SBF1: variants seen among roughly 807,000 people sequenced by gnomAD.
The protein encoded by SBF1 is myotubularin-related protein 5.
SBF1 carries 65 observed loss-of-function variants against 215.8 expected under a neutral mutation model. That is an observed-to-expected ratio of 0.30 (90% CI 0.25 to 0.37). The LOEUF is 0.37. SBF1 is among the 10% of genes least tolerant of loss of function. The pLI, the probability that SBF1 is intolerant of heterozygous loss-of-function variation, is 1.00. For synonymous variants in SBF1, 1,410 were observed against 1,122.8 expected (o/e 1.26, Z -5.11); for missense variants, 2,634 against 2,667.8 (o/e 0.99, Z 0.28).
In SBF1 at chr22:50,456,400, A is replaced by C; in HGVS notation, c.4087-5T>G. 1 of 1,611,640 alleles carries C rather than the reference A, an allele frequency of 6.2e-7. No individual in the cohort carries two copies. Among genetic ancestry groups the C allele is most frequent in the Non-Finnish European group, 8.5e-7 (1 of 1,179,816 alleles). ...CAGGGGGTCTGACCGCACACCCTGA[A>C]AAGAATCCGGACAAGTCCCGTGAGA... is the stretch of plus-strand genomic sequence containing the variant. On this transcript the variant is annotated splice_polypyrimidine_tract_variant and splice_region_variant and intron_variant, in intron 30 of 40. Coordinates refer to ENST00000380817, the MANE Select transcript of SBF1 (RefSeq NM_002972.4).
Position 50,446,930 on chromosome 22 carries a change from C to A in SBF1, c.*212G>T. Reference sequence around the variant, plus strand: ...CCCATTGCGGGCTGTACCTTGGCCACCTCCCGGCACGGTGCTCAGCTGTGA... The same window carrying A: ...CCCATTGCGGGCTGTACCTTGGCCAACTCCCGGCACGGTGCTCAGCTGTGA... On this transcript the variant is annotated 3_prime_UTR_variant, in exon 41 of 41. Transcript: ENST00000380817. 1 of 716,454 alleles carries A rather than the reference C, an allele frequency of 1.4e-6. No individual in the cohort carries two copies. Among genetic ancestry groups the A allele is most frequent in the South Asian group, 1.5e-5 (1 of 68,412 alleles). The allele number at this position is 716,454 out of a possible 1,614,324, so 44.4% of individuals were successfully genotyped here.
At position 50,445,673 on chromosome 22, in the gene SBF1, G is replaced by A. The variant is rs929126512; in HGVS notation, c.*1469C>T. The A allele has an allele frequency of 2.6e-5, 4 of 152,294 alleles. No homozygotes were observed. Among genetic ancestry groups the A allele is most frequent in the Admixed American group, 2.0e-4 (3 of 15,286 alleles). The allele number at this position is 152,294 out of a possible 1,614,324, so 9.4% of individuals were successfully genotyped here. On this transcript the variant is annotated 3_prime_UTR_variant, in exon 41 of 41. Coordinates refer to ENST00000380817, the MANE Select transcript of SBF1 (RefSeq NM_002972.4). ...GTCAGGCGCCATCTGTCCGGCCTGA[G>A]GGAAGACCTGGCTGGTTTCAGTGGC...
chr22:50,455,957 A>G, intron 31 of SBF1: 4 of 559,256 alleles, frequency 7.2e-6, no homozygotes, highest in South Asian at 4.8e-5. Flanking sequence ...CCGTGTGGTC[A>G]TCAGCCCACG....
At chr22:50,450,053 G>A (rs912054913) in intron 36 of SBF1, among the ~76,000 whole-genome samples, 1 of 152,222 alleles carries the variant, frequency 6.6e-6, no homozygotes, top group African/African-American at 2.4e-5. Context: ...GAGACGGGAC[G>A]TCCAGGGGCG....
rs777829904 is a variant in SBF1 at position 50,474,970 on chromosome 22, C to A, written c.-130G>T. ...CGGACACCCCTGGTTCGCTCCGCGG[C>A]GGCGGCGGCGGCGGCGGCGGCGGCC... On this transcript the variant is annotated 5_prime_UTR_variant, in exon 1 of 41. Coordinates refer to ENST00000380817, the MANE Select transcript of SBF1 (RefSeq NM_002972.4). 2.7e-5 allele frequency: 7 copies of A among 261,560 alleles called. No homozygotes were observed. In the South Asian group the frequency reaches 4.7e-4, roughly 18 times the overall value. 16.2% of individuals were successfully genotyped at this position (261,560 alleles called of 1,614,324 possible).
rs775235694 is a variant in SBF1 at position 50,465,141 on chromosome 22, A to G, written c.1204-12T>C. 7 of 1,613,814 alleles carry G rather than the reference A, an allele frequency of 4.3e-6. No individual in the cohort carries two copies. Among genetic ancestry groups the G allele is most frequent in the East Asian group, 2.2e-5 (1 of 44,890 alleles). ...CCCAGGAAGGCTGCCTGGATGACAG[A>G]AGGAGGTCGGTCCCTCAGGGGTCTC... On this transcript the variant is annotated splice_polypyrimidine_tract_variant and intron_variant, in intron 11 of 40. Transcript: ENST00000380817.
rs754722870 is a variant in SBF1, at chr22:50,465,271, G to A, written c.1147C>T (p.Arg383Cys). Residue 383 changes from arginine to cysteine, a missense_variant, in exon 11 of 41, where the codon CGC becomes TGC. Coordinates refer to ENST00000380817, the MANE Select transcript of SBF1 (RefSeq NM_002972.4). ...RLFAQLLQGY[R>C]WCLHVVRIHP... Reference sequence around the variant, plus strand: ...ATGCGCACGACGTGCAGGCACCAGCGATAGCCCTGCAGCAGCTGAGCGAAC... The same window carrying A: ...ATGCGCACGACGTGCAGGCACCAGCAATAGCCCTGCAGCAGCTGAGCGAAC... 1.9e-6 allele frequency: 3 copies of A among 1,610,610 alleles called. No individual in the cohort carries two copies. The highest frequency in any genetic ancestry group is 2.5e-6 in the Non-Finnish European group (3 of 1,178,978).
In SBF1 at chr22:50,446,836, G is replaced by A. The variant is rs749078847; in HGVS notation, c.*306C>T. On this transcript the variant is annotated 3_prime_UTR_variant, in exon 41 of 41. Coordinates refer to ENST00000380817, the MANE Select transcript of SBF1 (RefSeq NM_002972.4). Reference sequence around the variant, plus strand: ...TTAGTTCTCTCTTTATATAGACTCTGGTTCTAGAAACTCGCCTGCAGCCGC... The same window carrying A: ...TTAGTTCTCTCTTTATATAGACTCTAGTTCTAGAAACTCGCCTGCAGCCGC... 2.2e-5 allele frequency: 16 copies of A among 715,896 alleles called. No individual in the cohort carries two copies. The highest frequency in any genetic ancestry group is 3.4e-5 in the Non-Finnish European group (13 of 387,394). 44.3% of individuals were successfully genotyped at this position (715,896 alleles called of 1,614,324 possible).
Position 50,462,790 on chromosome 22 carries a change from AG to A in SBF1, c.1969-74del, listed in dbSNP as rs2067576340. On this transcript the variant is annotated intron_variant, in intron 17 of 40. Transcript: ENST00000380817. ...GGCTGGGAAGGAGACCTCGGCCACC[AG>A]GAAGGGGGGCTGGGAAGGAGACCTC... 3.1e-6 allele frequency: 5 copies of A among 1,608,636 alleles called. No individual in the cohort carries two copies. The South Asian group carries it at 3.3e-5, about 11-fold the overall frequency.
intron 18 of SBF1, 24 bp from the exon 19 acceptor site, chr22:50,462,497 G>A (rs1229678973): frequency 4.6e-5 from 74 of 1,612,190 alleles, no homozygotes; most frequent in Non-Finnish European, 6.3e-5. Context: ...ACACGCATGA[G>A]CCGGGGCCAC....
At position 50,467,647 on chromosome 22, in the gene SBF1, C is replaced by G; in HGVS notation, c.323G>C (p.Gly108Ala). 6.2e-7 allele frequency: 1 copy of G among 1,613,972 alleles called. No individual in the cohort carries two copies. Among genetic ancestry groups the G allele is most frequent in the Non-Finnish European group, 8.5e-7 (1 of 1,179,948 alleles). The change falls in exon 4 of 41, where the codon GGG becomes GCG. Residue 108 changes from glycine (G) to alanine (A), a missense_variant. Physicochemically the swap from Gly to Ala is moderately conservative, Grantham distance 60. Coordinates refer to ENST00000380817, the MANE Select transcript of SBF1 (RefSeq NM_002972.4). ...CAGGTGGGTCTGGCCTCCCTCATCC[C>G]CCTCTTCCTCCCTCTCTGTGGCATC... ...VEDATEREEE[G>A]DEGGQTHLSP...
intron 1 of SBF1, among the ~76,000 whole-genome samples, chr22:50,473,883 A>C (rs912609296): frequency 6.6e-6 from 1 of 152,200 alleles, no homozygotes; most frequent in Non-Finnish European, 1.5e-5. Context: ...TCCGCGCCTA[A>C]CTTCTCTACA....
intron 36 of SBF1, among the ~76,000 whole-genome samples, chr22:50,448,894 C>A (rs148590310): frequency 6.6e-6 from 1 of 152,168 alleles, no homozygotes; most frequent in African/African-American, 2.4e-5. Context: ...GCACTACAGA[C>A]CCCAACAGGG....
At chr22:50,473,966 G>A (rs9628189) in intron 1 of SBF1, among the ~76,000 whole-genome samples, 2 of 152,238 alleles carry the variant, frequency 1.3e-5, no homozygotes, top group African/African-American at 2.4e-5. Flanking sequence ...ACAAAGGGCT[G>A]TGCGGGGCCT....
In SBF1 at chr22:50,454,548, C is replaced by T. The variant is rs762685233; in HGVS notation, c.5007G>A (p.Pro1669=). 36 of 1,611,008 alleles carry T rather than the reference C, an allele frequency of 2.2e-5. No individual in the cohort carries two copies. Among genetic ancestry groups the T allele is most frequent in the Admixed American group, 2.2e-4 (13 of 59,958 alleles). ...GTGAGATGGCGTCAGGCTGGGCCCG[C>T]GGGCAGCTGTCGTAACAGGGCCACA... is the stretch of plus-strand genomic sequence containing the variant. ...RVVWPCYDSC[P]RAQPDAISRL... Residue 1669 remains proline, a synonymous_variant, in exon 36 of 41, where the codon CCG becomes CCA. Coordinates refer to ENST00000380817, the MANE Select transcript of SBF1 (RefSeq NM_002972.4).
rs1450202029 is a variant in SBF1, at chr22:50,461,674, C to T, written c.2688G>A (p.Val896=). 1.2e-6 allele frequency: 2 copies of T among 1,610,338 alleles called. No homozygotes were observed. Among genetic ancestry groups the T allele is most frequent in the Non-Finnish European group, 1.7e-6 (2 of 1,179,504 alleles). ...RPRLLPGEEC[V]LDGLRVYLLP... ...GCAGGTAGACGCGCAGGCCGTCCAG[C>T]ACACACTCCTCACCCGGCAGCAGGC... The change falls in exon 22 of 41, where the codon GTG becomes GTA. Residue 896 remains valine (V), a synonymous_variant. Transcript: ENST00000380817.
rs754332334 is a variant in SBF1 at position 50,461,599 on chromosome 22, T to C, written c.2763A>G (p.Ala921=). 29 of 1,611,990 alleles carry C rather than the reference T, an allele frequency of 1.8e-5. No homozygotes were observed. Among genetic ancestry groups the C allele is most frequent in the Admixed American group, 8.3e-5 (5 of 59,982 alleles). ...EGAGGSAGGP[A]LLPAEGAVFL... is the part of the protein sequence containing the mutation. ...AGACGGCGCCCTCAGCTGGGAGCAA[T>C]GCTGGTCCCCCAGCACTGCCCCCCG... Residue 921 remains alanine (A), a synonymous_variant, in exon 22 of 41, where the codon GCA becomes GCG. Coordinates refer to ENST00000380817, the MANE Select transcript of SBF1 (RefSeq NM_002972.4).
In SBF1 at chr22:50,461,171, G is replaced by A. The variant is rs778631442; in HGVS notation, c.2955C>T (p.Ser985=). The A allele has an allele frequency of 2.9e-5, 47 of 1,606,796 alleles. No individual in the cohort carries two copies. The highest frequency in any genetic ancestry group is 8.4e-5 in the Admixed American group (5 of 59,498). Residue 985 remains serine (S), a synonymous_variant, in exon 23 of 41, where the codon TCC becomes TCT. Transcript: ENST00000380817. ...CACCGCGCCCCACCTGGAATGTGCA[G>A]GAGCGCAGCTGGAGCCCGTCCTGCA... ...QLLQDGLQLR[S]CTFQLLKMAF...
intron 1 of SBF1, among the ~76,000 whole-genome samples, chr22:50,470,251 G>A (rs931217263): frequency 4.6e-5 from 7 of 152,162 alleles, no homozygotes; most frequent in African/African-American, 9.7e-5. Context: ...GTGGAGGAAG[G>A]AAGAGGGGTT....
Sources: allele counts gnomAD v4.1 joint callset (sites outside exome capture counted in the v4.1 genomes callset), GRCh38; gene constraint gnomAD v4.1.1; transcripts MANE v1.5; gene names NCBI Gene and HGNC (gene_info 2026-07-23, HGNC 2026-07-21).